SCN2B: variants seen among roughly 807,000 people sequenced by gnomAD.
SCN2B encodes the protein sodium channel regulatory subunit beta-2.
Under a neutral mutation model 18.2 loss-of-function variants are expected in SCN2B, and 14 were observed. The observed-to-expected ratio is 0.77, with a 90% confidence interval of 0.51 to 1.21. SCN2B has a LOEUF of 1.21. SCN2B is among the 50% of genes most tolerant of loss of function. SCN2B has a pLI of 0.00. For missense variants in SCN2B, 262 were observed against 286.9 expected, an observed-to-expected ratio of 0.91 and a Z score of 0.63; for synonymous variants, 115 against 115.3, an observed-to-expected ratio of 1.00 and a Z score of 0.02.
chr11:118,174,091 C>CTTTTTTTTT lies in SCN2B; in HGVS notation c.70+2262_70+2270dup, dbSNP rs1162918445. Among the ~76,000 whole-genome samples, 136 of 66,658 alleles carry CTTTTTTTTT rather than the reference C, an allele frequency of 2.0e-3. 3 individuals are homozygous for CTTTTTTTTT. Among genetic ancestry groups the CTTTTTTTTT allele is most frequent in the East Asian group, 9.9e-3 (20 of 2,018 alleles). The allele number at this position is 66,658 out of a possible 152,430, so 43.7% of individuals were successfully genotyped here. Reference sequence around the variant, plus strand: ...ACCATGCCTGGCTTATTTTTCTTTTCTTTTTTTTTTTTTTTTTTTTTTTTT... The same window carrying CTTTTTTTTT: ...ACCATGCCTGGCTTATTTTTCTTTTCTTTTTTTTTTTTTTTTTTTTTTTTTTTTTTTTTT... On this transcript the variant is annotated intron_variant, in intron 1 of 3. Transcript: ENST00000278947.
At chr11:118,167,952 C>T (rs1948397683) in intron 3 of SCN2B, 133 bp downstream of exon 3, 2 of 742,708 alleles carry the variant, frequency 2.7e-6, no homozygotes, top group Admixed American at 2.0e-5. Flanking sequence ...AAAATGGATT[C>T]CTTCTATGCA....
Position 118,174,927 on chromosome 11 carries a change from A to G in SCN2B, c.70+1435T>C, listed in dbSNP as rs537809004. 3.3e-5 allele frequency among the ~76,000 whole-genome samples: 5 copies of G among 152,234 alleles called. No homozygotes were observed. In the East Asian group the frequency reaches 5.8e-4, roughly 18 times the overall value. Reference sequence around the variant, plus strand: ...TCAGCCTGTCCTGAGACTCTGATCAATTAGGTACTGTTAATATAGCAGTGC... The same window carrying G: ...TCAGCCTGTCCTGAGACTCTGATCAGTTAGGTACTGTTAATATAGCAGTGC... On this transcript the variant is annotated intron_variant, in intron 1 of 3. Coordinates refer to ENST00000278947, the MANE Select transcript of SCN2B (RefSeq NM_004588.5).
chr11:118,166,816 C>A lies in SCN2B; in HGVS notation c.*71G>T, dbSNP rs1240511856. Reference sequence around the variant, plus strand: ...TCACGGGAAGCACACCAAGAGCGAGCAGGCAGGGTCACTGTACAGGGCGGA... The same window carrying A: ...TCACGGGAAGCACACCAAGAGCGAGAAGGCAGGGTCACTGTACAGGGCGGA... On this transcript the variant is annotated 3_prime_UTR_variant, in exon 4 of 4. Coordinates refer to ENST00000278947, the MANE Select transcript of SCN2B (RefSeq NM_004588.5). The A allele has an allele frequency of 3.8e-6, 6 of 1,587,088 alleles. No homozygotes were observed. Among genetic ancestry groups the A allele is most frequent in the Non-Finnish European group, 5.2e-6 (6 of 1,161,336 alleles).
intron 1 of SCN2B, among the ~76,000 whole-genome samples, chr11:118,173,660 A>G (rs17121824): frequency 0.057 from 8,700 of 152,258 alleles, 834 homozygotes; most frequent in African/African-American, 0.2. Context: ...CATTATTGCT[A>G]TTATTGTTGC....
Position 118,166,840 on chromosome 11 carries a change from G to A in SCN2B, c.*47C>T. ...GCAGGCAGGGTCACTGTACAGGGCG[G>A]AGAGGGGAGGAGACGGGACACGGGA... On this transcript the variant is annotated 3_prime_UTR_variant, in exon 4 of 4. Transcript: ENST00000278947. The A allele has an allele frequency of 6.2e-7, 1 of 1,607,908 alleles. No homozygotes were observed. Among genetic ancestry groups the A allele is most frequent in the South Asian group, 1.1e-5 (1 of 90,974 alleles).
At position 118,168,872 on chromosome 11, in the gene SCN2B, T is replaced by G. The variant is rs1591445026; in HGVS notation, c.71-121A>C. On this transcript the variant is annotated intron_variant, in intron 1 of 3. Coordinates refer to ENST00000278947, the MANE Select transcript of SCN2B (RefSeq NM_004588.5). The surrounding 1 kb of genome is among the most constrained non-coding windows in gnomAD (Gnocchi z 4.7). Reference sequence around the variant, plus strand: ...GCAGAGCCACAGGGAGGGGACTGGGTCCCTGACAGCTCCAGTTAATCAGGA... The same window carrying G: ...GCAGAGCCACAGGGAGGGGACTGGGGCCCTGACAGCTCCAGTTAATCAGGA... 1 of 1,048,444 alleles carries G rather than the reference T, an allele frequency of 9.5e-7. No individual in the cohort carries two copies. Among genetic ancestry groups the G allele is most frequent in the East Asian group, 2.4e-5 (1 of 41,908 alleles). The allele number at this position is 1,048,444 out of a possible 1,614,324, so 64.9% of individuals were successfully genotyped here. A position where few individuals can be genotyped will look rare whatever the true frequency, so the allele number is the denominator to read the frequency against.
In SCN2B at chr11:118,168,719, G is replaced by T; in HGVS notation, c.103C>A (p.Pro35Thr). 6.2e-7 allele frequency: 1 copy of T among 1,614,230 alleles called. No individual in the cohort carries two copies. Among genetic ancestry groups the T allele is most frequent in the Non-Finnish European group, 8.5e-7 (1 of 1,180,032 alleles). ...PPGRSMEVTV[P>T]ATLNVLNGSD... ...CCATTGAGGACGTTGAGGGTGGCAG[G>T]TACTGTGACCTCCATGCTCCGTCCT... is the stretch of plus-strand genomic sequence containing the variant. Residue 35 changes from proline to threonine, a missense_variant, in exon 2 of 4, where the codon CCT (proline) becomes ACT (threonine). Physicochemically the swap from Pro to Thr is conservative, Grantham distance 38 (BLOSUM62 -1). Transcript: ENST00000278947. This position sits in a 1 kb window ranked among gnomAD's most constrained non-coding sequence, Gnocchi z 4.7.
At position 118,166,973 on chromosome 11, in the gene SCN2B, CT is replaced by C. The variant is rs1271094414; in HGVS notation, c.561del (p.Glu188SerfsTer4). ...LMVVKCVRRKKEQKLSTDDLK... is the reference protein window; with the variant it reads ...LMVVKCVRRKXEQKLSTDDLK... The stretch of plus-strand genomic sequence containing the variant: ...AGGTCATCTGTGCTCAGCTTCTGCT[CT>C]TTTTTTCTCCTCACACACTTGACCA... On this transcript the variant is annotated frameshift_variant, in exon 4 of 4. Coordinates refer to ENST00000278947, the MANE Select transcript of SCN2B (RefSeq NM_004588.5). LOFTEE classifies it high-confidence loss of function. The C allele has an allele frequency of 1.2e-6, 2 of 1,614,124 alleles. No homozygotes were observed. The highest frequency in any genetic ancestry group is 2.2e-5 in the East Asian group (1 of 44,882).
At chr11:118,171,179 C>T (rs637753) in intron 1 of SCN2B, among the ~76,000 whole-genome samples, 3 of 152,044 alleles carry the variant, frequency 2.0e-5, no homozygotes, top group African/African-American at 7.2e-5. Flanking sequence ...TGGGAGACAG[C>T]TGTCACCATC....
chr11:118,167,090 GA>G lies in SCN2B; in HGVS notation c.449-5del. On this transcript the variant is annotated splice_region_variant and splice_polypyrimidine_tract_variant and intron_variant, in intron 3 of 3. Coordinates refer to ENST00000278947, the MANE Select transcript of SCN2B (RefSeq NM_004588.5). ...GTGGAGTCCCGCTCAGGGGGCTCTG[GA>G]AAGGAAGCAGAGCCACTGAGCACCA... is the stretch of plus-strand genomic sequence containing the variant. 1 of 1,610,652 alleles carries G rather than the reference GA, an allele frequency of 6.2e-7. No homozygotes were observed.
chr11:118,176,380 T>G lies in SCN2B; in HGVS notation c.52A>C (p.Ser18Arg), dbSNP rs749369472. The G allele has an allele frequency of 1.2e-6, 2 of 1,614,056 alleles. No homozygotes were observed. The highest frequency in any genetic ancestry group is 2.2e-5 in the East Asian group (1 of 44,890). Residue 18 changes from serine (S) to arginine (R), a missense_variant, in exon 1 of 4, where the codon AGT (serine) becomes CGT (arginine). Ser to Arg is a moderately radical substitution (Grantham distance 110). Coordinates refer to ENST00000278947, the MANE Select transcript of SCN2B (RefSeq NM_004588.5). ...PRPAFSLTGL[S>R]LFFSLVPPGR... ...AACTTACCCAAAGAGAAAAAGAGAC[T>G]GAGCCCCGTGAGGCTGAAGGCAGGG...
At chr11:118,173,662 T>A (rs894075182) in intron 1 of SCN2B, among the ~76,000 whole-genome samples, 16 of 152,230 alleles carry the variant, frequency 1.1e-4, no homozygotes, top group Non-Finnish European at 1.9e-4. Flanking sequence ...TTATTGCTAT[T>A]ATTGTTGCCA....
In SCN2B at chr11:118,166,879, G is replaced by A. The variant is rs768499780; in HGVS notation, c.*8C>T. ...CGGGACACGGGAGGCTGCAGGGCCG[G>A]CCACCCACTACTTGGCGCCATCATC... is the stretch of plus-strand genomic sequence containing the variant. On this transcript the variant is annotated 3_prime_UTR_variant, in exon 4 of 4. Transcript: ENST00000278947. 5 of 1,613,634 alleles carry A rather than the reference G, an allele frequency of 3.1e-6. No homozygotes were observed. The highest frequency in any genetic ancestry group is 3.4e-6 in the Non-Finnish European group (4 of 1,179,988).
In SCN2B at chr11:118,167,027, G is replaced by A. The variant is rs1948389710; in HGVS notation, c.508C>T (p.Leu170=). The part of the protein sequence containing the change: ...VIVGASVGGF[L]AVVILVLMVV... ...ATCAGCACCAAGATGACCACAGCCA[G>A]GAAGCCCCCGACGGAGGCACCCACA... The change falls in exon 4 of 4, where the codon CTG becomes TTG. Residue 170 remains leucine, a synonymous_variant. Transcript: ENST00000278947. 1.2e-6 allele frequency: 2 copies of A among 1,613,854 alleles called. No individual in the cohort carries two copies. The highest frequency in any genetic ancestry group is 1.3e-5 in the African/African-American group (1 of 75,054).
chr11:118,173,945 C>T (rs79665197), intron 1 of SCN2B, among the ~76,000 whole-genome samples: 9,061 of 151,894 alleles, frequency 0.06, 894 homozygotes, highest in African/African-American at 0.21. Flanking sequence ...TTTTAAGAGA[C>T]AGGGTTTGGT....
At position 118,168,845 on chromosome 11, in the gene SCN2B, G is replaced by C; in HGVS notation, c.71-94C>G. On this transcript the variant is annotated intron_variant, in intron 1 of 3. Transcript: ENST00000278947. This position sits in a 1 kb window ranked among gnomAD's most constrained non-coding sequence, Gnocchi z 4.7. Reference sequence around the variant, plus strand: ...CCTGGGAGTGTTGGGGGATGAGGCAGAGCAGAGCCACAGGGAGGGGACTGG... The same window carrying C: ...CCTGGGAGTGTTGGGGGATGAGGCACAGCAGAGCCACAGGGAGGGGACTGG... 7.2e-7 allele frequency: 1 copy of C among 1,393,574 alleles called. No individual in the cohort carries two copies. The highest frequency in any genetic ancestry group is 1.2e-5 in the South Asian group (1 of 85,980). 86.3% of individuals were successfully genotyped at this position (1,393,574 alleles called of 1,614,324 possible). A position where few individuals can be genotyped will look rare whatever the true frequency, so the allele number is the denominator to read the frequency against.
rs200598418 is a variant in SCN2B at position 118,166,700 on chromosome 11, C to A, written c.*187G>T. The A allele has an allele frequency of 1.2e-3, 818 of 671,436 alleles. 2 individuals carry two copies. The highest frequency in any genetic ancestry group is 1.8e-3 in the Non-Finnish European group (699 of 384,782). The allele number at this position is 671,436 out of a possible 1,614,324, so 41.6% of individuals were successfully genotyped here. Reference sequence around the variant, plus strand: ...ACGTCCCAGAGCATGGCAGGTTTCTCGGATGGAAGAGAGTGGGTCACTCTT... The same window carrying A: ...ACGTCCCAGAGCATGGCAGGTTTCTAGGATGGAAGAGAGTGGGTCACTCTT... On this transcript the variant is annotated 3_prime_UTR_variant, in exon 4 of 4. Coordinates refer to ENST00000278947, the MANE Select transcript of SCN2B (RefSeq NM_004588.5).
intron 3 of SCN2B, among the ~76,000 whole-genome samples, chr11:118,167,771 G>T (rs1314342414): frequency 6.6e-6 from 1 of 152,110 alleles, no homozygotes; most frequent in Non-Finnish European, 1.5e-5. Flanking sequence ...TGCCCAGGCT[G>T]GTCTCGAGCT....
chr11:118,168,281 G>A lies in SCN2B; in HGVS notation c.252C>T (p.Arg84=). The change falls in exon 3 of 4, where the codon CGC becomes CGT. Residue 84 remains arginine, a synonymous_variant. Coordinates refer to ENST00000278947, the MANE Select transcript of SCN2B (RefSeq NM_004588.5). This position sits in a 1 kb window ranked among gnomAD's most constrained non-coding sequence, Gnocchi z 4.7. ...CCAGCTTCAGGTTAATGATCTTCAT[G>A]CGGAACTGGAGGAACTGGGGTTGGA... ...NCSEEMFLQF[R]MKIINLKLER... is the part of the protein sequence containing the mutation. The A allele has an allele frequency of 1.2e-6, 2 of 1,614,168 alleles. No individual in the cohort carries two copies. Among genetic ancestry groups the A allele is most frequent in the Non-Finnish European group, 1.7e-6 (2 of 1,179,998 alleles).
Sources: gnomAD v4.1 joint callset for allele counts (sites outside exome capture counted in the v4.1 genomes callset) on GRCh38, gnomAD v4.1.1 for gene constraint, Gnocchi (gnomAD v3.1) non-coding constraint, MANE v1.5 for transcripts, NCBI Gene and HGNC (gene_info 2026-07-23, HGNC 2026-07-21) for gene names.